STARD13: variants seen among roughly 807,000 people sequenced by gnomAD.
STARD13 encodes stAR-related lipid transfer protein 13.
Under a neutral mutation model 106.4 loss-of-function variants are expected in STARD13, and 62 were observed. The ratio of observed to expected loss-of-function variants is 0.58; its 90% CI spans 0.48 to 0.72. STARD13 has a LOEUF of 0.72. Ranked by LOEUF, STARD13 falls within the 30% of genes least tolerant of loss-of-function variation. STARD13 has a pLI of 0.00. For missense variants in STARD13, 1,387 were observed against 1,424.0 expected (o/e 0.97, Z 0.42); for synonymous variants, 565 against 553.0 (o/e 1.02, Z -0.31).
chr13:33,351,526 T>C (rs1016613922), upstream of STARD13, among the ~76,000 whole-genome samples: 6 of 152,202 alleles, frequency 3.9e-5, no homozygotes, highest in African/African-American at 1.2e-4. Context: ...CCTCGGGGTG[T>C]CCTGCAGTTC....
At chr13:33,632,163 T>G in the STARD13 span, among the ~76,000 whole-genome samples, 3 of 152,202 alleles carry the variant, frequency 2.0e-5, no homozygotes, top group Non-Finnish European at 2.9e-5. Flanking sequence ...GGCAATTTAC[T>G]TAAAGCCAAA....
At chr13:33,510,819 G>C in the STARD13 span, among the ~76,000 whole-genome samples, 1 of 152,018 alleles carries the variant, frequency 6.6e-6, no homozygotes, top group South Asian at 2.1e-4. Flanking sequence ...ATCTAAAGCT[G>C]GACTGATAAG....
the STARD13 span, among the ~76,000 whole-genome samples, chr13:33,586,697 A>G: frequency 9.8e-3 from 1,496 of 152,266 alleles, 23 homozygotes; most frequent in African/African-American, 0.034. Flanking sequence ...TTTTTAAACT[A>G]TATGACCAAA....
In STARD13 at chr13:33,105,497, G is replaced by T; in HGVS notation, c.*96C>A. 1.1e-6 allele frequency: 1 copy of T among 872,098 alleles called. No individual in the cohort carries two copies. The highest frequency in any genetic ancestry group is 1.9e-6 in the Non-Finnish European group (1 of 525,912). The allele number at this position is 872,098 out of a possible 1,614,324, so 54.0% of individuals were successfully genotyped here. A position where few individuals can be genotyped will look rare whatever the true frequency, so the allele number is the denominator to read the frequency against. ...TTTTAGGCATTAACCGCGTCCTTCA[G>T]TTCCTCTTTCTCTCGCTTTCTCACA... On this transcript the variant is annotated 3_prime_UTR_variant, in exon 14 of 14. Coordinates refer to ENST00000336934, the MANE Select transcript of STARD13 (RefSeq NM_178006.4).
chr13:33,485,314 G>A, the STARD13 span, among the ~76,000 whole-genome samples: 1 of 152,124 alleles, frequency 6.6e-6, no homozygotes, highest in Non-Finnish European at 1.5e-5. Context: ...TTTGAAGTGA[G>A]ACCAGTTTAA....
rs1449238088 is a variant in STARD13 at position 33,130,785 on chromosome 13, C to CA, written c.388-497_388-496insT. On this transcript the variant is annotated intron_variant, in intron 4 of 13. Transcript: ENST00000336934. The surrounding 1 kb of genome is among the most constrained non-coding windows in gnomAD (Gnocchi z 4.1). ...GCTTCAGTATATCTCAAAGCTAACACTCCTTATTTTAGTCCCCTGCACTTG... is the reference window on the plus strand; with the variant it reads ...GCTTCAGTATATCTCAAAGCTAACACATCCTTATTTTAGTCCCCTGCACTTG... 1.3e-5 allele frequency among the ~76,000 whole-genome samples: 2 copies of CA among 152,220 alleles called. No homozygotes were observed. Among genetic ancestry groups the CA allele is most frequent in the Admixed American group, 1.3e-4 (2 of 15,284 alleles).
the STARD13 span, among the ~76,000 whole-genome samples, chr13:33,499,606 T>TTCTTCCTC: frequency 1.4e-4 from 8 of 56,750 alleles, no homozygotes; most frequent in Non-Finnish European, 1.7e-4. Context: ...TCTTCTTCTT[T>TTCTTCCTC]CTTCTTCTTC....
chr13:33,437,333 C>T, the STARD13 span, among the ~76,000 whole-genome samples: 3 of 152,154 alleles, frequency 2.0e-5, no homozygotes, highest in Non-Finnish European at 4.4e-5. Context: ...GAGTTGTGAG[C>T]CCTTAAAAGG....
At chr13:33,135,885 G>A (rs1878986518) in intron 4 of STARD13, among the ~76,000 whole-genome samples, 1 of 152,176 alleles carries the variant, frequency 6.6e-6, no homozygotes. Flanking sequence ...CACTTTGGAA[G>A]GCCGAGGCGA....
the STARD13 span, among the ~76,000 whole-genome samples, chr13:33,472,888 C>T: frequency 1.3e-5 from 2 of 151,920 alleles, no homozygotes; most frequent in Admixed American, 6.6e-5. Context: ...ATCTTTGGCT[C>T]CTTCCTGATT....
chr13:33,534,841 C>A, the STARD13 span, among the ~76,000 whole-genome samples: 3 of 152,160 alleles, frequency 2.0e-5, no homozygotes, highest in South Asian at 2.1e-4. Context: ...GAAACACTAA[C>A]CCCAAAGAGG....
chr13:33,439,820 A>G, the STARD13 span: 1 of 564,362 alleles, frequency 1.8e-6, no homozygotes, highest in Non-Finnish European at 2.8e-6. Context: ...GTAAAATTAG[A>G]ATCAAATGGC....
At chr13:33,350,183 A>C in intron 1 of STARD13, 1 of 1,335,106 alleles carries the variant, frequency 7.5e-7, no homozygotes. Flanking sequence ...TGGGCTCTGA[A>C]ACTCATGCCC....
chr13:33,359,203 C>T, the STARD13 span, among the ~76,000 whole-genome samples: 129,543 of 152,006 alleles, frequency 0.85, 59,000 homozygotes, highest in East Asian at 1. Flanking sequence ...GTCCACGCTG[C>T]TTTTATGAGC....
chr13:33,217,988 CACAT>C (rs1446152340), intron 1 of STARD13, among the ~76,000 whole-genome samples: 1 of 152,022 alleles, frequency 6.6e-6, no homozygotes, highest in Non-Finnish European at 1.5e-5. Flanking sequence ...ATATTACACA[CACAT>C]ACACACACAC....
intron 1 of STARD13, among the ~76,000 whole-genome samples, chr13:33,349,478 T>A (rs960386820): frequency 2.6e-5 from 4 of 152,140 alleles, no homozygotes; most frequent in African/African-American, 9.7e-5. Flanking sequence ...GCCCACTGCA[T>A]CCTTGGCCCT....
intron 1 of STARD13, among the ~76,000 whole-genome samples, chr13:33,249,584 C>A (rs1318661833): frequency 2.0e-5 from 3 of 152,154 alleles, no homozygotes; most frequent in Non-Finnish European, 4.4e-5. Flanking sequence ...TCGTACAATG[C>A]AGATATTAGT....
the STARD13 span, among the ~76,000 whole-genome samples, chr13:33,674,732 C>G: frequency 6.6e-6 from 1 of 152,136 alleles, no homozygotes; most frequent in Non-Finnish European, 1.5e-5. Flanking sequence ...ACAGAGAAAT[C>G]TTGAAATTTT....
At chr13:33,429,367 C>A in the STARD13 span, among the ~76,000 whole-genome samples, 2 of 152,018 alleles carry the variant, frequency 1.3e-5, no homozygotes, top group African/African-American at 4.8e-5. Flanking sequence ...GAGGCCGAGG[C>A]GGGCGGATCA....
Sources: allele counts gnomAD v4.1 joint callset (sites outside exome capture counted in the v4.1 genomes callset), GRCh38; gene constraint gnomAD v4.1.1; non-coding constraint Gnocchi (gnomAD v3.1); transcripts MANE v1.5; gene names NCBI Gene and HGNC (gene_info 2026-07-23, HGNC 2026-07-21).